Variants in APOLD1 observed in about 807,000 individuals in gnomAD.
The protein encoded by APOLD1 is apolipoprotein L domain containing 1, also known as apolipoprotein L domain-containing protein 1.
In APOLD1, 22 loss-of-function variants were observed where a neutral mutation model predicts 15.3. That is an observed-to-expected ratio of 1.44 (90% confidence interval 1.03 to 2.05). The LOEUF (loss-of-function observed/expected upper bound fraction) is 2.05. APOLD1 is among the 30% of genes most tolerant of loss of function. The pLI, the probability that APOLD1 is intolerant of heterozygous loss-of-function variation, is 0.00. For synonymous variants in APOLD1, 190 were observed against 167.4 expected, an observed-to-expected ratio of 1.13 and a Z score of -1.04; for missense variants, 394 against 353.5, an observed-to-expected ratio of 1.11 and a Z score of -0.92.
chr12:12,738,172 T>C (rs1214990215), intron 1 of APOLD1, among the ~76,000 whole-genome samples: 1 of 150,940 alleles, frequency 6.6e-6, no homozygotes. Flanking sequence ...GAGGAGAGGC[T>C]CTCCCCATAC....
intron 1 of APOLD1, among the ~76,000 whole-genome samples, chr12:12,747,300 C>T (rs1255611446): frequency 3.9e-5 from 6 of 152,082 alleles, no homozygotes; most frequent in African/African-American, 1.4e-4. Flanking sequence ...GTTAAAAAAA[C>T]AAAAAACAAA....
At chr12:12,732,069 A>G (rs1946644995) in intron 1 of APOLD1, among the ~76,000 whole-genome samples, 1 of 152,210 alleles carries the variant, frequency 6.6e-6, no homozygotes, top group African/African-American at 2.4e-5. Flanking sequence ...TAATGCCTGT[A>G]CGTTGCTGGT....
At chr12:12,785,396 G>A (rs1947116002), upstream of APOLD1, among the ~76,000 whole-genome samples, 1 of 152,194 alleles carries the variant, frequency 6.6e-6, no homozygotes, top group Non-Finnish European at 1.5e-5. Context: ...CCCACTGGGA[G>A]AATGACAACA....
At chr12:12,769,230 A>C (rs557472626) in intron 1 of APOLD1, among the ~76,000 whole-genome samples, 393 of 147,606 alleles carry the variant, frequency 2.7e-3, no homozygotes, top group African/African-American at 9.3e-3. Context: ...CTCCAGCTAA[A>C]AAAAAAAAAA....
At chr12:12,725,979 A>C in exon 1 of APOLD1, 1 of 1,486,492 alleles carries the variant, frequency 6.7e-7, no homozygotes, top group Admixed American at 2.4e-5. Flanking sequence ...GGGGACAGAG[A>C]TGTAACCCAA....
intron 1 of APOLD1, among the ~76,000 whole-genome samples, chr12:12,776,003 CAAAAAA>C (rs34623976): frequency 2.6e-4 from 16 of 62,182 alleles, no homozygotes; most frequent in African/African-American, 8.4e-4. Flanking sequence ...GACCCAGTCT[CAAAAAA>C]AAAAAAAAAA....
chr12:12,775,532 G>A (rs768371177), intron 1 of APOLD1, among the ~76,000 whole-genome samples: 9 of 152,154 alleles, frequency 5.9e-5, no homozygotes, highest in Non-Finnish European at 8.8e-5. Context: ...CATGTGTGAG[G>A]GCAGGGAGCA....
At chr12:12,756,371 G>A (rs1283422850) in intron 1 of APOLD1, among the ~76,000 whole-genome samples, 1 of 152,138 alleles carries the variant, frequency 6.6e-6, no homozygotes, top group African/African-American at 2.4e-5. Context: ...CTTTATGAAC[G>A]CTGGCACCTT....
upstream of APOLD1, among the ~76,000 whole-genome samples, chr12:12,784,597 G>C (rs932545055): frequency 1.3e-5 from 2 of 152,142 alleles, no homozygotes; most frequent in African/African-American, 4.8e-5. Context: ...AGAATGATAC[G>C]GCTGTTAAGG....
At chr12:12,734,917 A>G (rs1451698316) in intron 1 of APOLD1, among the ~76,000 whole-genome samples, 1 of 152,122 alleles carries the variant, frequency 6.6e-6, no homozygotes. Flanking sequence ...TAATTATTCC[A>G]TGGAATTTAG....
chr12:12,762,015 T>A (rs1946905251), intron 1 of APOLD1, among the ~76,000 whole-genome samples: 1 of 152,034 alleles, frequency 6.6e-6, no homozygotes, highest in Non-Finnish European at 1.5e-5. Flanking sequence ...ATTTTTTGAA[T>A]TTCTTTTTGT....
intron 1 of APOLD1, among the ~76,000 whole-genome samples, chr12:12,750,550 A>G (rs1284654643): frequency 6.6e-6 from 1 of 151,582 alleles, no homozygotes; most frequent in Non-Finnish European, 1.5e-5. Flanking sequence ...ATTTCTCCCT[A>G]GAAACTTGAT....
chr12:12,738,473 T>G (rs1037684628), intron 1 of APOLD1, among the ~76,000 whole-genome samples: 6 of 152,120 alleles, frequency 3.9e-5, no homozygotes, highest in Non-Finnish European at 8.8e-5. Flanking sequence ...CCCAAATCAT[T>G]GGGATGAGAA....
chr12:12,785,888 G>A (rs558135921), intron 1 of APOLD1, among the ~76,000 whole-genome samples, 194 bp downstream of exon 1: 1 of 152,266 alleles, frequency 6.6e-6, no homozygotes, highest in East Asian at 1.9e-4. Context: ...GTCTGATGCA[G>A]GCAATTCTTC....
chr12:12,739,331 T>C (rs1024735656), intron 1 of APOLD1, among the ~76,000 whole-genome samples: 9 of 152,230 alleles, frequency 5.9e-5, no homozygotes, highest in Non-Finnish European at 1.0e-4. Context: ...AGATGAGTGT[T>C]CTTTGTGCTT....
At chr12:12,730,985 A>C (rs1946636059) in intron 1 of APOLD1, among the ~76,000 whole-genome samples, 1 of 151,140 alleles carries the variant, frequency 6.6e-6, no homozygotes, top group Non-Finnish European at 1.5e-5. Flanking sequence ...ACTAAAAATA[A>C]AAAAAATTAG....
chr12:12,741,706 T>C (rs1234905386), intron 1 of APOLD1, among the ~76,000 whole-genome samples: 3 of 152,230 alleles, frequency 2.0e-5, no homozygotes, highest in African/African-American at 7.2e-5. Context: ...ATGTTCTCTC[T>C]GTACAGTTAT....
At chr12:12,742,762 TAAA>T (rs56809842) in intron 1 of APOLD1, among the ~76,000 whole-genome samples, 50 of 140,666 alleles carry the variant, frequency 3.6e-4, no homozygotes, top group Non-Finnish European at 3.9e-4. Context: ...AGACTCCATC[TAAA>T]AAAAAAAAAA....
chr12:12,766,082 G>A (rs1946941132), intron 1 of APOLD1, among the ~76,000 whole-genome samples: 1 of 152,156 alleles, frequency 6.6e-6, no homozygotes, highest in South Asian at 2.1e-4. Context: ...TGCCTCTCAG[G>A]ACCTTATCTC....
Sources: gnomAD v4.1 joint callset for allele counts (sites outside exome capture counted in the v4.1 genomes callset) on GRCh38, gnomAD v4.1.1 for gene constraint, MANE v1.5 for transcripts, NCBI Gene and HGNC (gene_info 2026-07-23, HGNC 2026-07-21) for gene names.